The following PCDHGC5 variants were observed in gnomAD, a reference collection of about 807,000 sequenced individuals.
PCDHGC5 encodes protocadherin gamma-C5.
Under a neutral mutation model 59.0 loss-of-function variants are expected in PCDHGC5, and 25 were observed. The ratio of observed to expected loss-of-function variants is 0.42; its 90% confidence interval spans 0.31 to 0.59. The LOEUF is 0.59. PCDHGC5 is among the 20% of genes least tolerant of loss of function. The pLI is 0.13. For synonymous variants in PCDHGC5, 434 were observed against 505.5 expected (o/e 0.86, Z 1.90); for missense variants, 1,067 against 1,206.4 (o/e 0.88, Z 1.71).
chr5:141,508,599 G>T lies in PCDHGC5; in HGVS notation c.2609-2348G>T, dbSNP rs948748985. On this transcript the variant is annotated intron_variant, in intron 3 of 3. Coordinates refer to ENST00000252087, the MANE Select transcript of PCDHGC5 (RefSeq NM_018929.3). ...CTCGGGGTGCTACTCAGAGATCTTGGGTGCACATAGGACGTGGGTGGGCCG... is the reference window on the plus strand; with the variant it reads ...CTCGGGGTGCTACTCAGAGATCTTGTGTGCACATAGGACGTGGGTGGGCCG... Among the ~76,000 whole-genome samples the T allele has an allele frequency of 3.9e-5, 6 of 152,212 alleles. No individual in the cohort carries two copies. The South Asian group carries it at 1.2e-3, about 32-fold the overall frequency.
rs748803155 is a variant in PCDHGC5, at chr5:141,490,087, G to A, written c.847G>A (p.Asp283Asn). The change falls in exon 1 of 4, where the codon GAC (aspartate) becomes AAC (asparagine). Residue 283 changes from aspartate to asparagine, a missense_variant. By Grantham distance (23) the Asp-to-Asn change is conservative. Coordinates refer to ENST00000252087, the MANE Select transcript of PCDHGC5 (RefSeq NM_018929.3). The surrounding 1 kb of genome is among the most constrained non-coding windows in gnomAD (Gnocchi z 5.4). ...TNGQLDYSFG[D>N]HTSEAVRNLF... is the part of the protein sequence containing the mutation. ...CGGCCAACTAGACTATTCTTTTGGA[G>A]ACCACACATCTGAGGCAGTGCGGAA... 2.5e-6 allele frequency: 4 copies of A among 1,614,244 alleles called. No homozygotes were observed. The highest frequency in any genetic ancestry group is 1.3e-5 in the African/African-American group (1 of 75,068).
chr5:141,511,276 T>C lies in PCDHGC5; in HGVS notation c.*103T>C. On this transcript the variant is annotated 3_prime_UTR_variant, in exon 4 of 4. Coordinates refer to ENST00000252087, the MANE Select transcript of PCDHGC5 (RefSeq NM_018929.3). ...AGAGTTTCAGGGCTAACCCCCAGAA[T>C]ACTGGTAGGGGCCAAGGCCATGCTC... 6.5e-7 allele frequency: 1 copy of C among 1,538,084 alleles called. No homozygotes were observed. Among genetic ancestry groups the C allele is most frequent in the Non-Finnish European group, 8.8e-7 (1 of 1,140,720 alleles).
In PCDHGC5 at chr5:141,511,086, G is replaced by A. The variant is rs2099883600; in HGVS notation, c.2748G>A (p.Leu916=). The A allele has an allele frequency of 1.2e-6, 2 of 1,614,062 alleles. No individual in the cohort carries two copies. The highest frequency in any genetic ancestry group is 2.2e-5 in the East Asian group (1 of 44,886). The change falls in exon 4 of 4, where the codon CTG becomes CTA. Residue 916 remains leucine (L), a synonymous_variant. Transcript: ENST00000252087. ...ACATCCCAGGCAGCAATGCCACACT[G>A]ACCAACGCAGCTGGCAAGCGGGATG... is the stretch of plus-strand genomic sequence containing the variant. The part of the protein sequence containing the change: ...NVYIPGSNAT[L]TNAAGKRDGK...
chr5:141,500,574 G>A (rs2099801457), intron 2 of PCDHGC5, among the ~76,000 whole-genome samples: 1 of 152,164 alleles, frequency 6.6e-6, no homozygotes, highest in African/African-American at 2.4e-5. Context: ...ACACTTTCAT[G>A]TGACACTTTA....
At position 141,489,888 on chromosome 5, in the gene PCDHGC5, T is replaced by TG. The variant is rs759744295; in HGVS notation, c.654dup (p.Thr219AspfsTer19). On this transcript the variant is annotated frameshift_variant, in exon 1 of 4. Coordinates refer to ENST00000252087, the MANE Select transcript of PCDHGC5 (RefSeq NM_018929.3). LOFTEE classifies it high-confidence loss of function. The surrounding 1 kb of genome is among the most constrained non-coding windows in gnomAD (Gnocchi z 4.5). ...ATCAGCTGGTGCTTACTGCTGTGGATGGGGGGACCCCAGCCCGCTCAGGGA... is the reference window on the plus strand; with the variant it reads ...ATCAGCTGGTGCTTACTGCTGTGGATGGGGGGGACCCCAGCCCGCTCAGGGA... 6.4e-5 allele frequency: 103 copies of TG among 1,614,088 alleles called. No individual in the cohort carries two copies. Among genetic ancestry groups the TG allele is most frequent in the Non-Finnish European group, 8.6e-5 (101 of 1,180,048 alleles).
chr5:141,491,114 C>T lies in PCDHGC5; in HGVS notation c.1874C>T (p.Thr625Ile), dbSNP rs1240431232. 1 of 1,614,104 alleles carries T rather than the reference C, an allele frequency of 6.2e-7. No homozygotes were observed. Among genetic ancestry groups the T allele is most frequent in the Admixed American group, 1.7e-5 (1 of 60,012 alleles). ...APGLFLVSTH[T>I]GEVRTARALL... ...GGACTGTTCCTCGTGTCTACACACA[C>T]TGGTGAGGTGCGCACAGCCCGGGCC... The change falls in exon 1 of 4, where the codon ACT (threonine) becomes ATT (isoleucine). Residue 625 changes from threonine (T) to isoleucine (I), a missense_variant. Physicochemically the swap from Thr to Ile is moderately conservative, Grantham distance 89. Transcript: ENST00000252087. The surrounding 1 kb of genome is among the most constrained non-coding windows in gnomAD (Gnocchi z 6.9).
At chr5:141,495,292 C>T (rs74321313) in intron 2 of PCDHGC5, among the ~76,000 whole-genome samples, 8,567 of 152,256 alleles carry the variant, frequency 0.056, 526 homozygotes, top group African/African-American at 0.16. Context: ...CCGCACTCAG[C>T]GCCTCCTCCA....
chr5:141,489,246 G>A lies in PCDHGC5; in HGVS notation c.6G>A (p.Gly2=), dbSNP rs141115698. The change falls in exon 1 of 4, where the codon GGG becomes GGA. Residue 2 remains glycine (G), a synonymous_variant. Coordinates refer to ENST00000252087, the MANE Select transcript of PCDHGC5 (RefSeq NM_018929.3). The surrounding 1 kb of genome is among the most constrained non-coding windows in gnomAD (Gnocchi z 4.5). M[G]PKTLPQLAGK... is the part of the protein sequence containing the mutation. Reference sequence around the variant, plus strand: ...CACAAAGGGACTTCTGGGTCATGGGGCCCAAGACACTCCCACAGCTCGCTG... The same window carrying A: ...CACAAAGGGACTTCTGGGTCATGGGACCCAAGACACTCCCACAGCTCGCTG... 750 of 1,544,746 alleles carry A rather than the reference G, an allele frequency of 4.9e-4. No homozygotes were observed. The highest frequency in any genetic ancestry group is 6.3e-4 in the Non-Finnish European group (726 of 1,145,538).
In PCDHGC5 at chr5:141,489,184, G is replaced by T; in HGVS notation, c.-57G>T. ...TCAGCTGCTGCATTCCAAGCCCTGG[G>T]TCTACCTTGGAGACAGGACAGCACA... On this transcript the variant is annotated 5_prime_UTR_variant, in exon 1 of 4. Transcript: ENST00000252087. This position sits in a 1 kb window ranked among gnomAD's most constrained non-coding sequence, Gnocchi z 4.5. 7.8e-7 allele frequency: 1 copy of T among 1,287,330 alleles called. No homozygotes were observed. Among genetic ancestry groups the T allele is most frequent in the Non-Finnish European group, 1.1e-6 (1 of 928,816 alleles). 79.7% of individuals were successfully genotyped at this position (1,287,330 alleles called of 1,614,324 possible).
At chr5:141,492,163 C>G (rs921256341) in intron 1 of PCDHGC5, among the ~76,000 whole-genome samples, 3 of 152,232 alleles carry the variant, frequency 2.0e-5, no homozygotes, top group Admixed American at 6.5e-5. Flanking sequence ...CCTCCCTATC[C>G]CCGCATCACC....
intron 1 of PCDHGC5, among the ~76,000 whole-genome samples, chr5:141,492,336 A>G (rs1353947767): frequency 1.3e-5 from 2 of 152,072 alleles, no homozygotes; most frequent in East Asian, 3.9e-4. Context: ...TTACGCGAAT[A>G]CCAGCTTTCA....
In PCDHGC5 at chr5:141,511,161, G is replaced by A; in HGVS notation, c.2823G>A (p.Lys941=). 1 of 1,614,176 alleles carries A rather than the reference G, an allele frequency of 6.2e-7. No individual in the cohort carries two copies. The highest frequency in any genetic ancestry group is 8.5e-7 in the Non-Finnish European group (1 of 1,180,010). ...GNGNKKKSGK[K]EKK ...GCAACAAGAAGAAGTCGGGCAAGAA[G>A]GAGAAGAAGTAACATGGAGGCCAGG... Residue 941 remains lysine, a synonymous_variant, in exon 4 of 4, where the codon AAG becomes AAA. Transcript: ENST00000252087.
In PCDHGC5 at chr5:141,512,009, CAAGTT is replaced by C. The variant is rs1409890580; in HGVS notation, c.*838_*842del. On this transcript the variant is annotated 3_prime_UTR_variant, in exon 4 of 4. Transcript: ENST00000252087. ...GGGGCATGGACAAAGCTTGACACATCAAGTTATCAAGGCCTTGGAGGAGGCTCTGT... is the reference window on the plus strand; with the variant it reads ...GGGGCATGGACAAAGCTTGACACATCATCAAGGCCTTGGAGGAGGCTCTGT... 1 of 153,074 alleles carries C rather than the reference CAAGTT, an allele frequency of 6.5e-6. No individual in the cohort carries two copies. The highest frequency in any genetic ancestry group is 1.9e-4 in the East Asian group (1 of 5,182). 9.5% of individuals were successfully genotyped at this position (153,074 alleles called of 1,614,324 possible).
intron 2 of PCDHGC5, among the ~76,000 whole-genome samples, chr5:141,495,587 C>T (rs1391263118): frequency 6.6e-6 from 1 of 152,238 alleles, no homozygotes. Context: ...TTCTCCATCT[C>T]TGTCTTAGCT....
chr5:141,489,314 G>T lies in PCDHGC5; in HGVS notation c.74G>T (p.Gly25Val). ...VLCMLSLCCW[G>V]WVSGQLRYSV... ...TGCATGTTGTCCTTGTGCTGCTGGG[G>T]CTGGGTGTCTGGGCAGCTTCGTTAC... The change falls in exon 1 of 4, where the codon GGC becomes GTC. Residue 25 changes from glycine to valine, a missense_variant. By Grantham distance (109) the Gly-to-Val change is moderately radical. Transcript: ENST00000252087. This position sits in a 1 kb window ranked among gnomAD's most constrained non-coding sequence, Gnocchi z 4.5. 6.3e-7 allele frequency: 1 copy of T among 1,596,908 alleles called. No individual in the cohort carries two copies. The highest frequency in any genetic ancestry group is 8.5e-7 in the Non-Finnish European group (1 of 1,170,694).
chr5:141,501,945 T>C (rs1318749969), intron 2 of PCDHGC5, among the ~76,000 whole-genome samples: 1 of 152,106 alleles, frequency 6.6e-6, no homozygotes, highest in Non-Finnish European at 1.5e-5. Context: ...CACTGCTCCC[T>C]GTGACAGGTC....
Position 141,489,213 on chromosome 5 carries a change from T to G in PCDHGC5, c.-28T>G, listed in dbSNP as rs372898969. 11 of 1,473,392 alleles carry G rather than the reference T, an allele frequency of 7.5e-6. No homozygotes were observed. The highest frequency in any genetic ancestry group is 6.4e-6 in the Non-Finnish European group (7 of 1,091,332). 91.3% of individuals were successfully genotyped at this position (1,473,392 alleles called of 1,614,324 possible). On this transcript the variant is annotated 5_prime_UTR_variant, in exon 1 of 4. Coordinates refer to ENST00000252087, the MANE Select transcript of PCDHGC5 (RefSeq NM_018929.3). This position sits in a 1 kb window ranked among gnomAD's most constrained non-coding sequence, Gnocchi z 4.5. Reference sequence around the variant, plus strand: ...ACCTTGGAGACAGGACAGCACAGACTTACTCTCCACAAAGGGACTTCTGGG... The same window carrying G: ...ACCTTGGAGACAGGACAGCACAGACGTACTCTCCACAAAGGGACTTCTGGG...
chr5:141,498,960 G>GGAGA (rs1381042115), intron 2 of PCDHGC5, among the ~76,000 whole-genome samples: 9 of 118,744 alleles, frequency 7.6e-5, no homozygotes, highest in African/African-American at 2.8e-4. Context: ...AGAGAGAGAG[G>GGAGA]GAGGGAGGGA....
chr5:141,509,447 C>T (rs898280593), intron 3 of PCDHGC5, among the ~76,000 whole-genome samples: 2 of 152,128 alleles, frequency 1.3e-5, no homozygotes, highest in Admixed American at 6.5e-5. Context: ...CCTCCTCTCC[C>T]ACCCCCGACC....
Sources: allele counts gnomAD v4.1 joint callset (sites outside exome capture counted in the v4.1 genomes callset), GRCh38; gene constraint gnomAD v4.1.1; non-coding constraint Gnocchi (gnomAD v3.1); transcripts MANE v1.5; gene names NCBI Gene and HGNC (gene_info 2026-07-23, HGNC 2026-07-21).